ITPR2: variants seen among roughly 807,000 people sequenced by gnomAD.
ITPR2 encodes inositol 1,4,5-trisphosphate receptor type 2.
ITPR2 carries 207 observed loss-of-function variants against 317.1 expected under a neutral mutation model. The ratio of observed to expected loss-of-function variants is 0.65; its 90% confidence interval spans 0.58 to 0.73. The LOEUF (loss-of-function observed/expected upper bound fraction) is 0.73. Among genes scored for constraint, ITPR2 ranks in the 30% least tolerant of loss-of-function variants. ITPR2 has a pLI of 0.00. For synonymous variants in ITPR2, 1,156 were observed against 1,149.1 expected (o/e 1.01, Z -0.12); for missense variants, 2,613 against 3,284.0 (o/e 0.80, Z 4.99).
chr12:26,595,127 A>T (rs1945809810), intron 32 of ITPR2, among the ~76,000 whole-genome samples: 3 of 152,228 alleles, frequency 2.0e-5, no homozygotes, highest in Admixed American at 2.0e-4. Context: ...AATTGCACTT[A>T]GAATAAGAGA....
At chr12:26,766,129 A>G (rs536721401) in intron 2 of ITPR2, among the ~76,000 whole-genome samples, 2 of 152,312 alleles carry the variant, frequency 1.3e-5, no homozygotes, top group South Asian at 4.1e-4. Context: ...TTGTGTGGAC[A>G]TACATTTTCA....
At chr12:26,555,780 T>G (rs1198560947) in intron 36 of ITPR2, among the ~76,000 whole-genome samples, 3 of 152,208 alleles carry the variant, frequency 2.0e-5, no homozygotes, top group African/African-American at 7.2e-5. Context: ...TGAATCAGGC[T>G]GACCTCCCAG....
chr12:26,380,495 C>T (rs999551343), intron 55 of ITPR2, among the ~76,000 whole-genome samples: 6 of 152,126 alleles, frequency 3.9e-5, no homozygotes, highest in African/African-American at 1.4e-4. Context: ...TTTAATTGTG[C>T]ATTCTGAGCT....
intron 10 of ITPR2, among the ~76,000 whole-genome samples, chr12:26,690,322 TTCTC>T (rs1270093789): frequency 6.6e-6 from 1 of 151,472 alleles, no homozygotes; most frequent in Non-Finnish European, 1.5e-5. Flanking sequence ...ATAAAACAGT[TTCTC>T]TCACCATTGC....
At chr12:26,752,008 T>C (rs1183476276) in intron 2 of ITPR2, among the ~76,000 whole-genome samples, 1 of 152,190 alleles carries the variant, frequency 6.6e-6, no homozygotes, top group Non-Finnish European at 1.5e-5. Flanking sequence ...TCAATGCATA[T>C]ACAAAATTAA....
intron 13 of ITPR2, among the ~76,000 whole-genome samples, chr12:26,668,947 G>A (rs7134564): frequency 0.19 from 28,529 of 151,842 alleles, 3,584 homozygotes; most frequent in East Asian, 0.55. Flanking sequence ...AGTGAAACCC[G>A]TTTGCACAAA....
chr12:26,512,690 G>A (rs372122658), intron 37 of ITPR2, among the ~76,000 whole-genome samples: 45 of 152,296 alleles, frequency 3.0e-4, no homozygotes, highest in Middle Eastern at 3.4e-3. Flanking sequence ...TTGGGCACAT[G>A]TCGTCAGGAT....
At chr12:26,420,620 A>C (rs1940860287) in intron 49 of ITPR2, among the ~76,000 whole-genome samples, 1 of 152,128 alleles carries the variant, frequency 6.6e-6, no homozygotes, top group South Asian at 2.1e-4. Flanking sequence ...TATCCTCTCA[A>C]TAATCAATGT....
intron 55 of ITPR2, among the ~76,000 whole-genome samples, chr12:26,345,393 A>G (rs1672721669): frequency 6.6e-6 from 1 of 152,202 alleles, no homozygotes; most frequent in Admixed American, 6.5e-5. Flanking sequence ...CTATATATAC[A>G]TATCTATGAT....
chr12:26,695,885 C>T (rs893354921), intron 9 of ITPR2, among the ~76,000 whole-genome samples: 8 of 152,206 alleles, frequency 5.3e-5, no homozygotes, highest in African/African-American at 1.7e-4. Flanking sequence ...GAACTGTTGA[C>T]ATCTTTGAAG....
At position 26,345,503 on chromosome 12, in the gene ITPR2, TTCTC is replaced by T. The variant is rs1938276871; in HGVS notation, c.7858-5179_7858-5176del. Among the ~76,000 whole-genome samples, 3 of 152,210 alleles carry T rather than the reference TTCTC, an allele frequency of 2.0e-5. 1 individual carries two copies. In the South Asian group the frequency reaches 6.2e-4, roughly 32 times the overall value. On this transcript the variant is annotated intron_variant, in intron 55 of 56. Transcript: ENST00000381340. Reference sequence around the variant, plus strand: ...ATACTGTGATAAAAGTGGCTTCTGTTTCTCTCTCTCAAAATATCTTACCATTTTT... The same window carrying T: ...ATACTGTGATAAAAGTGGCTTCTGTTTCTCTCAAAATATCTTACCATTTTT...
Position 26,597,125 on chromosome 12 carries a change from C to A in ITPR2, c.4012G>T (p.Gly1338Trp), listed in dbSNP as rs1463093343. 6.2e-7 allele frequency: 1 copy of A among 1,613,710 alleles called. No individual in the cohort carries two copies. Among genetic ancestry groups the A allele is most frequent in the East Asian group, 2.2e-5 (1 of 44,892 alleles). ...TAAAATATCAGCACGTCTTCACCCC[C>A]ATTTATCAACTGAAATGATAATAAG... ...QDMVMTELIN[G>W]GEDVLIFYND... The change falls in exon 31 of 57, where the codon GGG (glycine) becomes TGG (tryptophan). Residue 1338 changes from glycine to tryptophan, a missense_variant. Around this residue, in one of 9 missense-constraint regions of ITPR2, gnomAD observed 817 missense variants for 897.6 expected, o/e 0.91. Coordinates refer to ENST00000381340, the MANE Select transcript of ITPR2 (RefSeq NM_002223.4).
chr12:26,516,870 G>C (rs1389083614), intron 37 of ITPR2, among the ~76,000 whole-genome samples: 1 of 151,804 alleles, frequency 6.6e-6, no homozygotes, highest in African/African-American at 2.4e-5. Flanking sequence ...CTCTTCAAAA[G>C]TTAAAAGAGA....
At chr12:26,649,604 A>G (rs1192993775) in intron 21 of ITPR2, 2 of 152,178 alleles carry the variant, frequency 1.3e-5, no homozygotes, top group Non-Finnish European at 2.9e-5. Context: ...TCTATTCTCC[A>G]TTCAGCAGTC....
chr12:26,658,438 C>G (rs1273043119), intron 16 of ITPR2, among the ~76,000 whole-genome samples: 2 of 152,184 alleles, frequency 1.3e-5, no homozygotes, highest in Non-Finnish European at 2.9e-5. Context: ...TAAAGTGAGT[C>G]TCCCCAGAGC....
intron 2 of ITPR2, among the ~76,000 whole-genome samples, chr12:26,778,348 C>G (rs35426482): frequency 3.3e-5 from 5 of 152,078 alleles, no homozygotes; most frequent in Admixed American, 2.0e-4. Context: ...TTCAACTCCC[C>G]TATCTGGCCT....
chr12:26,436,559 G>A, intron 47 of ITPR2, among the ~76,000 whole-genome samples: 1 of 152,170 alleles, frequency 6.6e-6, no homozygotes, highest in South Asian at 2.1e-4. Context: ...CCTTCAGCCA[G>A]TTTAGGCCTA....
At chr12:26,783,525 A>G (rs1405889296) in intron 2 of ITPR2, among the ~76,000 whole-genome samples, 3 of 152,226 alleles carry the variant, frequency 2.0e-5, no homozygotes, top group Admixed American at 6.5e-5. Flanking sequence ...AATGGCACAT[A>G]TATCAATATG....
At chr12:26,600,178 T>A in intron 28 of ITPR2, 69 bp from the exon 29 acceptor site, 1 of 1,378,800 alleles carries the variant, frequency 7.3e-7, no homozygotes, top group Non-Finnish European at 1.0e-6. Flanking sequence ...CAAAAATCTC[T>A]CCTTCACCCA....
Sources: allele counts gnomAD v4.1 joint callset (sites outside exome capture counted in the v4.1 genomes callset), GRCh38; gene constraint gnomAD v4.1.1; regional missense constraint gnomAD v4.1.1; transcripts MANE v1.5; gene names NCBI Gene and HGNC (gene_info 2026-07-23, HGNC 2026-07-21).